Variants in ST8SIA1 observed in about 807,000 individuals in gnomAD.
ST8SIA1 encodes ST8 alpha-N-acetyl-neuraminide alpha-2,8-sialyltransferase 1, also known as alpha-N-acetylneuraminide alpha-2,8-sialyltransferase.
ST8SIA1 carries 16 observed loss-of-function variants against 35.9 expected under a neutral mutation model. The observed-to-expected ratio is 0.45, with a 90% CI of 0.30 to 0.68. The LOEUF (loss-of-function observed/expected upper bound fraction) is 0.68. Among genes scored for constraint, ST8SIA1 ranks in the 30% least tolerant of loss-of-function variants. The pLI, the probability that ST8SIA1 is intolerant of heterozygous loss-of-function variation, is 0.09. For missense variants in ST8SIA1, 383 were observed against 453.6 expected (o/e 0.84, Z 1.41); for synonymous variants, 170 against 169.6 (o/e 1.00, Z -0.02).
At chr12:22,223,763 C>A (rs1322564523) in intron 4 of ST8SIA1, 2 of 1,253,702 alleles carry the variant, frequency 1.6e-6, no homozygotes, top group Non-Finnish European at 2.1e-6. Context: ...CTCTCGACAG[C>A]TGTAAAATCC....
chr12:22,287,352 T>C (rs1866113277), intron 1 of ST8SIA1, 59 bp from the exon 2 acceptor site: 12 of 1,547,370 alleles, frequency 7.8e-6, no homozygotes, highest in East Asian at 2.3e-5. Flanking sequence ...AGCAGATTCA[T>C]TCACTTGTCA....
chr12:22,312,982 T>G (rs951937304), intron 1 of ST8SIA1, among the ~76,000 whole-genome samples: 1 of 152,220 alleles, frequency 6.6e-6, no homozygotes, highest in African/African-American at 2.4e-5. Context: ...TTGGAATAAC[T>G]TTTAAATTTG....
At chr12:22,316,083 T>G (rs1270829013) in intron 1 of ST8SIA1, among the ~76,000 whole-genome samples, 2 of 152,266 alleles carry the variant, frequency 1.3e-5, no homozygotes, top group East Asian at 3.9e-4. Flanking sequence ...GTAAATATTC[T>G]TAAACAAGAA....
intron 1 of ST8SIA1, among the ~76,000 whole-genome samples, chr12:22,315,582 T>C (rs1201334601): frequency 6.6e-6 from 1 of 152,126 alleles, no homozygotes; most frequent in African/African-American, 2.4e-5. Context: ...ACCAGATTCT[T>C]TTGATTTAAG....
chr12:22,255,244 G>C (rs1241952698), intron 3 of ST8SIA1, 36 bp downstream of exon 3: 1 of 1,562,558 alleles, frequency 6.4e-7, no homozygotes, highest in Non-Finnish European at 8.8e-7. Context: ...GAAAAGGAGA[G>C]AAGGCAGAGG....
intron 1 of ST8SIA1, among the ~76,000 whole-genome samples, chr12:22,293,689 ATAGT>A (rs545622561): frequency 2.7e-3 from 415 of 152,334 alleles, no homozygotes; most frequent in African/African-American, 9.2e-3. Context: ...CTCCTTCTTA[ATAGT>A]TAGAGACAAT....
intron 1 of ST8SIA1, among the ~76,000 whole-genome samples, chr12:22,288,204 G>A (rs1410406547): frequency 6.6e-6 from 1 of 152,168 alleles, no homozygotes; most frequent in Non-Finnish European, 1.5e-5. Context: ...TCCTCCTCTA[G>A]GAAGATGAAT....
At chr12:22,255,432 A>T in intron 2 of ST8SIA1, 43 bp from the exon 3 acceptor site, 4 of 1,484,166 alleles carry the variant, frequency 2.7e-6, no homozygotes, top group Non-Finnish European at 3.8e-6. Flanking sequence ...CAAAGAACAC[A>T]CAACCGCTCA....
chr12:22,298,643 C>T lies in ST8SIA1; in HGVS notation c.237-11350G>A, dbSNP rs141834542. 9.5e-4 allele frequency among the ~76,000 whole-genome samples: 144 copies of T among 152,262 alleles called. No individual in the cohort carries two copies. In the East Asian group the frequency reaches 0.019, roughly 20 times the overall value. Reference sequence around the variant, plus strand: ...AAGGTAATTCTTTTTAAACATCAGCCCTATAAATGATCATAGACATAAACA... The same window carrying T: ...AAGGTAATTCTTTTTAAACATCAGCTCTATAAATGATCATAGACATAAACA... On this transcript the variant is annotated intron_variant, in intron 1 of 4. Coordinates refer to ENST00000396037, the MANE Select transcript of ST8SIA1 (RefSeq NM_003034.4).
intron 1 of ST8SIA1, chr12:22,325,567 T>C: frequency 2.9e-6 from 2 of 686,230 alleles, no homozygotes; most frequent in South Asian, 3.1e-5. Flanking sequence ...TTACTTGGTT[T>C]CTTACTGATT....
chr12:22,246,167 TG>T (rs1368040565), intron 4 of ST8SIA1, among the ~76,000 whole-genome samples: 2 of 151,188 alleles, frequency 1.3e-5, no homozygotes, highest in African/African-American at 4.9e-5. Context: ...CTGGTGGGGG[TG>T]GGGGGTAGTC....
chr12:22,211,213 C>T (rs1865172009), intron 4 of ST8SIA1, among the ~76,000 whole-genome samples: 1 of 152,236 alleles, frequency 6.6e-6, no homozygotes, highest in Non-Finnish European at 1.5e-5. Flanking sequence ...TTCCCATGTT[C>T]AGCTATCCAG....
chr12:22,280,305 G>GA (rs554431113), intron 2 of ST8SIA1, among the ~76,000 whole-genome samples: 2 of 151,584 alleles, frequency 1.3e-5, no homozygotes, highest in African/African-American at 2.4e-5. Flanking sequence ...ACTAATCAAA[G>GA]AAAAAAAACT....
chr12:22,293,233 C>T (rs115869504), intron 1 of ST8SIA1, among the ~76,000 whole-genome samples: 329 of 152,308 alleles, frequency 2.2e-3, no homozygotes, highest in African/African-American at 7.5e-3. Flanking sequence ...ACTGCAGACA[C>T]GCAGCACAGA....
At chr12:22,270,513 C>T (rs985121653) in intron 2 of ST8SIA1, among the ~76,000 whole-genome samples, 7 of 152,114 alleles carry the variant, frequency 4.6e-5, no homozygotes, top group African/African-American at 1.7e-4. Flanking sequence ...TTTAAATTAA[C>T]TTACTAATTA....
At chr12:22,293,118 CA>C (rs1359883486) in intron 1 of ST8SIA1, among the ~76,000 whole-genome samples, 3 of 152,170 alleles carry the variant, frequency 2.0e-5, no homozygotes, top group African/African-American at 7.2e-5. Context: ...CAAACATTTT[CA>C]GTAGTAGAAG....
chr12:22,300,606 C>T (rs771049348), intron 1 of ST8SIA1, among the ~76,000 whole-genome samples: 20 of 152,158 alleles, frequency 1.3e-4, no homozygotes, highest in South Asian at 6.2e-4. Context: ...TCATTGGCTT[C>T]GTGCTGTTTT....
intron 1 of ST8SIA1, chr12:22,325,462 A>G (rs1370611929): frequency 1.0e-5 from 7 of 702,038 alleles, no homozygotes; most frequent in Admixed American, 2.0e-5. Context: ...TGCCACAGCT[A>G]GAAGACAGTT....
intron 2 of ST8SIA1, among the ~76,000 whole-genome samples, chr12:22,273,675 T>C (rs902505479): frequency 1.3e-5 from 2 of 152,162 alleles, no homozygotes; most frequent in Non-Finnish European, 2.9e-5. Context: ...TTTATATTTA[T>C]ACCAAAACAT....
Sources: allele counts gnomAD v4.1 joint callset (sites outside exome capture counted in the v4.1 genomes callset), GRCh38; gene constraint gnomAD v4.1.1; transcripts MANE v1.5; gene names NCBI Gene and HGNC (gene_info 2026-07-23, HGNC 2026-07-21).